Variants in KAZN observed in about 807,000 individuals in gnomAD.
KAZN encodes kazrin.
Under a neutral mutation model 87.4 loss-of-function variants are expected in KAZN, and 40 were observed. That is an observed-to-expected ratio of 0.46 (90% CI 0.36 to 0.60). The LOEUF (loss-of-function observed/expected upper bound fraction) is 0.60. Ranked by LOEUF, KAZN falls within the 20% of genes least tolerant of loss-of-function variation. The pLI is 0.00. For missense variants in KAZN, 898 were observed against 1,073.9 expected, an observed-to-expected ratio of 0.84 and a Z score of 2.29; for synonymous variants, 466 against 458.3, an observed-to-expected ratio of 1.02 and a Z score of -0.22.
chr1:14,022,753 C>T (rs1377582880), intron 1 of KAZN, among the ~76,000 whole-genome samples: 1 of 151,906 alleles, frequency 6.6e-6, no homozygotes, highest in Non-Finnish European at 1.5e-5. Context: ...TTTTTTCTTC[C>T]AAATGGCTTA....
At chr1:15,067,440 ATG>A in intron 8 of KAZN, 1 of 985,476 alleles carries the variant, frequency 1.0e-6, no homozygotes, top group African/African-American at 1.7e-5. Flanking sequence ...GGGACGGAGG[ATG>A]TGTGAGCTGT....
intron 2 of KAZN, among the ~76,000 whole-genome samples, chr1:14,384,052 T>C (rs567094629): frequency 2.8e-4 from 43 of 152,112 alleles, no homozygotes; most frequent in African/African-American, 8.9e-4. Context: ...GTTGGATTCC[T>C]AGGTATTTTA....
chr1:13,962,570 C>A (rs1641794171), intron 1 of KAZN, among the ~76,000 whole-genome samples: 2 of 151,896 alleles, frequency 1.3e-5, no homozygotes, highest in African/African-American at 4.8e-5. Flanking sequence ...TTTCTTTTTT[C>A]TTTTTGAGAT....
At chr1:15,087,747 G>A (rs1573280190) in intron 8 of KAZN, among the ~76,000 whole-genome samples, 1 of 152,204 alleles carries the variant, frequency 6.6e-6, no homozygotes, top group Non-Finnish European at 1.5e-5. Flanking sequence ...CATGTGGCTT[G>A]TAGCTGCTGT....
At chr1:14,484,296 G>A (rs76282825) in intron 2 of KAZN, among the ~76,000 whole-genome samples, 2,800 of 152,154 alleles carry the variant, frequency 0.018, 49 homozygotes, top group East Asian at 0.046. Flanking sequence ...GGCTATAGTC[G>A]ATAACAATGT....
chr1:15,067,545 G>A (rs1286551621), intron 8 of KAZN: 5 of 985,462 alleles, frequency 5.1e-6, no homozygotes, highest in Non-Finnish European at 6.0e-6. Context: ...CACACCTCTA[G>A]ACAACAGTAG....
chr1:13,970,430 C>T (rs992599578), intron 1 of KAZN, among the ~76,000 whole-genome samples: 4 of 152,060 alleles, frequency 2.6e-5, no homozygotes, highest in Admixed American at 6.6e-5. Flanking sequence ...GGATCAGAAG[C>T]GTGTATATGA....
chr1:14,848,667 A>C (rs1649066731), intron 1 of KAZN, among the ~76,000 whole-genome samples: 1 of 152,194 alleles, frequency 6.6e-6, no homozygotes, highest in Non-Finnish European at 1.5e-5. Context: ...GTCAACTGTC[A>C]GTAAGACCGA....
chr1:14,205,246 G>C (rs1021966302), intron 2 of KAZN, among the ~76,000 whole-genome samples: 2 of 152,206 alleles, frequency 1.3e-5, no homozygotes, highest in Non-Finnish European at 2.9e-5. Context: ...GTTCTCAGGA[G>C]AGCGAGGAAA....
At position 14,362,659 on chromosome 1, in the gene KAZN, T is replaced by C. The variant is rs1254370692; in HGVS notation, c.249+182067T>C. On this transcript the variant is annotated intron_variant, in intron 2 of 16. Coordinates refer to the KAZN transcript ENST00000636203. The stretch of plus-strand genomic sequence containing the variant: ...TGCTCCAGGCTCTTTATAAAGACTG[T>C]GTAGCTTAATTCCCCCATCAACACT... Among the ~76,000 whole-genome samples the C allele has an allele frequency of 2.0e-5, 3 of 152,204 alleles. No homozygotes were observed. The East Asian group carries it at 5.8e-4, about 29-fold the overall frequency.
rs527783153 is a variant in KAZN, at chr1:14,598,703, G to C, written c.-295G>C. The stretch of plus-strand genomic sequence containing the variant: ...CGGTGTCCTTCTTGGAGCAGCTCTC[G>C]GCGCCCGCCCGCCGGGGTCTCGGCG... On this transcript the variant is annotated 5_prime_UTR_variant, in exon 1 of 15. Coordinates refer to ENST00000376030, the MANE Select transcript of KAZN (RefSeq NM_201628.3). The surrounding 1 kb of genome is among the most constrained non-coding windows in gnomAD (Gnocchi z 4.2). 106 of 1,312,122 alleles carry C rather than the reference G, an allele frequency of 8.1e-5. No homozygotes were observed. The African/African-American group carries it at 9.5e-4, about 12-fold the overall frequency. 81.3% of individuals were successfully genotyped at this position (1,312,122 alleles called of 1,614,324 possible). A position where few individuals can be genotyped will look rare whatever the true frequency, so the allele number is the denominator to read the frequency against.
intron 1 of KAZN, among the ~76,000 whole-genome samples, chr1:14,866,933 G>T (rs1651523532): frequency 6.6e-6 from 1 of 152,226 alleles, no homozygotes; most frequent in African/African-American, 2.4e-5. Context: ...GAGATCAGTG[G>T]AGATACACAA....
chr1:14,372,371 T>C (rs539185076), intron 2 of KAZN, among the ~76,000 whole-genome samples: 56 of 152,316 alleles, frequency 3.7e-4, no homozygotes, highest in Non-Finnish European at 4.1e-4. Context: ...AATTGAAACA[T>C]GGTAAATATG....
chr1:14,216,033 A>G (rs1227385738), intron 2 of KAZN, among the ~76,000 whole-genome samples: 1 of 152,252 alleles, frequency 6.6e-6, no homozygotes, highest in Non-Finnish European at 1.5e-5. Context: ...AGTTTTAAAT[A>G]TCCTCAATTT....
At chr1:15,008,113 C>T (rs1669217361) in intron 2 of KAZN, among the ~76,000 whole-genome samples, 1 of 152,214 alleles carries the variant, frequency 6.6e-6, no homozygotes, top group African/African-American at 2.4e-5. Flanking sequence ...AACTCGTGGC[C>T]TGCGGAAGTG....
At chr1:14,443,816 T>C (rs758963281) in intron 2 of KAZN, among the ~76,000 whole-genome samples, 2 of 152,206 alleles carry the variant, frequency 1.3e-5, no homozygotes. Context: ...GCCAAAATGG[T>C]ATAGCAGCAT....
At chr1:14,444,617 T>C (rs994626654) in intron 2 of KAZN, among the ~76,000 whole-genome samples, 14 of 152,234 alleles carry the variant, frequency 9.2e-5, no homozygotes, top group African/African-American at 3.4e-4. Flanking sequence ...CCGGCCCGAT[T>C]CTTTTTTCTG....
chr1:14,280,370 CAAAAAAAAAAAAAA>C lies in KAZN; in HGVS notation c.249+99793_249+99806del, dbSNP rs1162522967. 2.7e-4 allele frequency among the ~76,000 whole-genome samples: 10 copies of C among 36,852 alleles called. No individual in the cohort carries two copies. In the East Asian group the frequency reaches 4.4e-3, roughly 16 times the overall value. 24.2% of individuals were successfully genotyped at this position (36,852 alleles called of 152,430 possible). ...TGGGTGACAGAGTGAGACTCCATCT[CAAAAAAAAAAAAAA>C]AAAAAAAAAAAAAAGACGAGGTTGC... is the stretch of plus-strand genomic sequence containing the variant. On this transcript the variant is annotated intron_variant, in intron 2 of 16. Coordinates refer to the KAZN transcript ENST00000636203.
At chr1:14,123,568 AGGAT>A (rs1444254174) in intron 1 of KAZN, among the ~76,000 whole-genome samples, 1 of 151,026 alleles carries the variant, frequency 6.6e-6, no homozygotes, top group Non-Finnish European at 1.5e-5. Context: ...AGGAGAGGCA[AGGAT>A]GGAAAGGTGA....
Sources: allele counts gnomAD v4.1 joint callset (sites outside exome capture counted in the v4.1 genomes callset), GRCh38; gene constraint gnomAD v4.1.1; non-coding constraint Gnocchi (gnomAD v3.1); transcripts MANE v1.5; gene names NCBI Gene and HGNC (gene_info 2026-07-23, HGNC 2026-07-21).